PHF21A: variants seen among roughly 807,000 people sequenced by gnomAD.
The protein encoded by PHF21A is PHD finger protein 21A.
PHF21A carries 11 observed loss-of-function variants against 82.5 expected under a neutral mutation model. The ratio of observed to expected loss-of-function variants is 0.13; its 90% CI spans 0.08 to 0.22. The LOEUF (loss-of-function observed/expected upper bound fraction) is 0.22. Ranked by LOEUF, PHF21A falls within the 10% of genes least tolerant of loss-of-function variation. The probability of loss-of-function intolerance (pLI) is 1.00; values close to 1 mark genes in which losing one functional copy is unlikely to be tolerated. For missense variants in PHF21A, 579 were observed against 837.8 expected, an observed-to-expected ratio of 0.69 and a Z score of 3.81; for synonymous variants, 297 against 302.8, an observed-to-expected ratio of 0.98 and a Z score of 0.20.
At chr11:45,969,214 G>A (rs2093626327) in intron 9 of PHF21A, among the ~76,000 whole-genome samples, 1 of 152,132 alleles carries the variant, frequency 6.6e-6, no homozygotes, top group African/African-American at 2.4e-5. Context: ...TCCAGAATGG[G>A]GAAATCTTGA....
chr11:45,949,617 A>T, intron 12 of PHF21A, 136 bp from the exon 13 acceptor site: 1 of 747,338 alleles, frequency 1.3e-6, no homozygotes, highest in Non-Finnish European at 2.3e-6. Flanking sequence ...AAGCCTCAGC[A>T]GAGGCAAGCA....
In PHF21A at chr11:45,965,619, AAG is replaced by A; in HGVS notation, c.703-13_703-12del. The A allele has an allele frequency of 6.6e-7, 1 of 1,517,824 alleles. No homozygotes were observed. Among genetic ancestry groups the A allele is most frequent in the Non-Finnish European group, 8.8e-7 (1 of 1,133,108 alleles). The allele number at this position is 1,517,824 out of a possible 1,614,324, so 94.0% of individuals were successfully genotyped here. A position where few individuals can be genotyped will look rare whatever the true frequency, so the allele number is the denominator to read the frequency against. On this transcript the variant is annotated splice_polypyrimidine_tract_variant and intron_variant, in intron 9 of 18. Coordinates refer to ENST00000676320, the MANE Select transcript of PHF21A (RefSeq NM_001352027.3). ...AGGCTTGGGTCGAACCTATAGGGGA[AAG>A]AGAGAATAATTATTGTATTACTTAA...
At chr11:45,942,519 G>C (rs2090546067) in intron 15 of PHF21A, among the ~76,000 whole-genome samples, 1 of 152,216 alleles carries the variant, frequency 6.6e-6, no homozygotes, top group Admixed American at 6.5e-5. Context: ...AGATTTCTGA[G>C]AGAGACCCTG....
chr11:45,974,942 G>A (rs1433721823), intron 7 of PHF21A, among the ~76,000 whole-genome samples: 10 of 152,124 alleles, frequency 6.6e-5, no homozygotes, highest in Non-Finnish European at 1.5e-4. Flanking sequence ...ACTGCCAATA[G>A]CAAAATCCTT....
intron 6 of PHF21A, among the ~76,000 whole-genome samples, chr11:46,046,444 C>G (rs1307182360): frequency 1.3e-5 from 2 of 152,146 alleles, no homozygotes; most frequent in African/African-American, 4.8e-5. Context: ...AAAAACCTTG[C>G]CATGACAGCC....
intron 14 of PHF21A, among the ~76,000 whole-genome samples, chr11:45,947,676 T>C (rs552120250): frequency 6.6e-6 from 1 of 152,246 alleles, no homozygotes; most frequent in East Asian, 1.9e-4. Context: ...CCCTGTCCTC[T>C]TAGCAGATAC....
chr11:46,076,527 T>C (rs1222528637), intron 6 of PHF21A, among the ~76,000 whole-genome samples: 1 of 152,172 alleles, frequency 6.6e-6, no homozygotes, highest in Admixed American at 6.6e-5. Flanking sequence ...CCTGCCACAT[T>C]GCTTTTAGGT....
At chr11:45,958,204 C>T (rs2092804882) in intron 10 of PHF21A, among the ~76,000 whole-genome samples, 1 of 150,776 alleles carries the variant, frequency 6.6e-6, no homozygotes, top group Non-Finnish European at 1.5e-5. Flanking sequence ...TAGCACCAAT[C>T]TGTCTCAAAT....
intron 15 of PHF21A, among the ~76,000 whole-genome samples, chr11:45,939,771 C>CAAAAA (rs56931455): frequency 9.9e-5 from 6 of 60,384 alleles, no homozygotes; most frequent in African/African-American, 3.9e-4. Flanking sequence ...GAACATAGCC[C>CAAAAA]AAAAAAAAAA....
chr11:46,036,875 A>T (rs997774253), intron 6 of PHF21A, among the ~76,000 whole-genome samples: 15 of 152,034 alleles, frequency 9.9e-5, no homozygotes, highest in Non-Finnish European at 1.9e-4. Context: ...TTTTATGTTT[A>T]AAAAAAATTT....
intron 6 of PHF21A, among the ~76,000 whole-genome samples, chr11:46,031,982 A>G (rs1235013854): frequency 1.3e-5 from 2 of 152,190 alleles, no homozygotes; most frequent in East Asian, 3.8e-4. Flanking sequence ...TCTCTTCCAC[A>G]CTAACATGAA....
At chr11:46,082,577 T>G (rs1168993672) in intron 4 of PHF21A, among the ~76,000 whole-genome samples, 2 of 152,214 alleles carry the variant, frequency 1.3e-5, no homozygotes, top group Non-Finnish European at 2.9e-5. Flanking sequence ...AAGCTATTAA[T>G]TTTATGCTCA....
intron 6 of PHF21A, among the ~76,000 whole-genome samples, chr11:46,028,091 AT>A (rs71451628): frequency 0.01 from 1,473 of 146,422 alleles, 11 homozygotes; most frequent in East Asian, 0.027. Flanking sequence ...TCTGGGGACA[AT>A]TTTTTTTTTT....
intron 18 of PHF21A, chr11:45,935,268 G>GACCT: frequency 7.7e-7 from 1 of 1,305,828 alleles, no homozygotes; most frequent in Non-Finnish European, 1.0e-6. Context: ...CACACGAGGG[G>GACCT]ACCTGGTCTG....
chr11:45,962,297 C>T (rs745657760), intron 10 of PHF21A, among the ~76,000 whole-genome samples: 3 of 54,114 alleles, frequency 5.5e-5, no homozygotes, highest in Non-Finnish European at 8.5e-5. Context: ...ACGTTGGATA[C>T]GGGTTTGGTA....
At chr11:45,977,809 T>C (rs766696087) in intron 7 of PHF21A, among the ~76,000 whole-genome samples, 1 of 152,044 alleles carries the variant, frequency 6.6e-6, no homozygotes, top group Admixed American at 6.5e-5. Context: ...TTATACAGTA[T>C]TGGTATTGCT....
intron 6 of PHF21A, among the ~76,000 whole-genome samples, chr11:46,054,455 A>G (rs986952615): frequency 1.3e-5 from 2 of 152,140 alleles, no homozygotes; most frequent in East Asian, 1.9e-4. Flanking sequence ...ACCTACTCCT[A>G]CACATCTTTT....
chr11:46,049,618 G>A (rs1014684430), intron 6 of PHF21A: 13 of 393,378 alleles, frequency 3.3e-5, no homozygotes, highest in Middle Eastern at 5.3e-4. Context: ...CTTCCCACCT[G>A]TCACAGCACT....
chr11:45,962,018 G>A (rs1201486068), intron 10 of PHF21A, among the ~76,000 whole-genome samples: 1 of 152,204 alleles, frequency 6.6e-6, no homozygotes. Context: ...GACCACTGCT[G>A]TTATAACTGG....
Sources: allele counts gnomAD v4.1 joint callset (sites outside exome capture counted in the v4.1 genomes callset), GRCh38; gene constraint gnomAD v4.1.1; transcripts MANE v1.5; gene names NCBI Gene and HGNC (gene_info 2026-07-23, HGNC 2026-07-21).